Variants in ZNF479 observed in about 807,000 individuals in gnomAD.
The protein encoded by ZNF479 is zinc finger protein 479.
A neutral mutation model predicts 14.7 loss-of-function variants in ZNF479; 15 were observed. The ratio of observed to expected loss-of-function variants is 1.02; its 90% CI spans 0.68 to 1.57. ZNF479 has a LOEUF of 1.57. Ranked by LOEUF, ZNF479 falls within the 40% of genes most tolerant of loss-of-function variation. The pLI is 0.00. For synonymous variants in ZNF479, 145 were observed against 211.5 expected, an observed-to-expected ratio of 0.69 and a Z score of 2.73; for missense variants, 506 against 615.1, an observed-to-expected ratio of 0.82 and a Z score of 1.88.
chr7:57,135,845 C>A (rs1786621856), upstream of ZNF479, among the ~76,000 whole-genome samples: 1 of 151,954 alleles, frequency 6.6e-6, no homozygotes, highest in African/African-American at 2.4e-5. Flanking sequence ...GATGGGACTG[C>A]AAAAAAGATT....
Position 57,120,219 on chromosome 7 carries a change from T to C in ZNF479, c.1196A>G (p.His399Arg), listed in dbSNP as rs1554399924. The C allele has an allele frequency of 6.2e-7, 1 of 1,611,884 alleles. No individual in the cohort carries two copies. Among genetic ancestry groups the C allele is most frequent in the African/African-American group, 1.3e-5 (1 of 74,850 alleles). ...TCTCTCTCCAGTATGAATTCTCTTG[T>C]GGATAGTAAGTGCTGAGGAGCGCCT... ...DFRRSSALTIHKRIHTGERPY... is the reference protein window; with the variant it reads ...DFRRSSALTIRKRIHTGERPY... The change falls in exon 4 of 4, where the codon CAC (histidine) becomes CGC (arginine). Residue 399 changes from histidine (H) to arginine (R), a missense_variant. His to Arg is a conservative substitution (Grantham distance 29, BLOSUM62 0). Transcript: ENST00000319636.
At chr7:57,125,485 T>C (rs35178061) in intron 3 of ZNF479, among the ~76,000 whole-genome samples, 22,527 of 150,696 alleles carry the variant, frequency 0.15, 1,311 homozygotes, top group Admixed American at 0.19. Flanking sequence ...AGTGGGGGGA[T>C]AACCAAGCCT....
intron 1 of ZNF479, among the ~76,000 whole-genome samples, chr7:57,131,993 T>C (rs1390606565): frequency 6.6e-6 from 1 of 152,110 alleles, no homozygotes; most frequent in Non-Finnish European, 1.5e-5. Flanking sequence ...GACTTTCCTA[T>C]CCCTGTACAA....
At chr7:57,136,696 G>C (rs1436154056), upstream of ZNF479, among the ~76,000 whole-genome samples, 6 of 152,192 alleles carry the variant, frequency 3.9e-5, no homozygotes, top group African/African-American at 1.4e-4. Context: ...GCTGGGCTTT[G>C]CTGTCTCACA....
chr7:57,120,445 G>A lies in ZNF479; in HGVS notation c.970C>T (p.Pro324Ser), dbSNP rs1554400116. The change falls in exon 4 of 4, where the codon CCC (proline) becomes TCC (serine). Residue 324 changes from proline (P) to serine (S), a missense_variant. Coordinates refer to ENST00000319636, the MANE Select transcript of ZNF479 (RefSeq NM_001370129.2). ...TTGCCACATTCCTCACACCTGCAGG[G>A]TTTCTCTCCAGTATGAATTCTCTTG... Reference protein sequence around the residue: ...DHKRIHTGEKPCRCEECGKAF... With the variant: ...DHKRIHTGEKSCRCEECGKAF... 4 of 1,611,872 alleles carry A rather than the reference G, an allele frequency of 2.5e-6. No individual in the cohort carries two copies. In the South Asian group the frequency reaches 3.3e-5, roughly 13 times the overall value.
chr7:57,135,908 G>C (rs1321885136), upstream of ZNF479, among the ~76,000 whole-genome samples: 2 of 149,092 alleles, frequency 1.3e-5, no homozygotes, highest in Admixed American at 6.7e-5. Flanking sequence ...GCAATGCTTG[G>C]GTCTTTCTCT....
At position 57,120,531 on chromosome 7, in the gene ZNF479, C is replaced by G; in HGVS notation, c.884G>C (p.Arg295Thr). 1 of 1,609,200 alleles carries G rather than the reference C, an allele frequency of 6.2e-7. No homozygotes were observed. Among genetic ancestry groups the G allele is most frequent in the Non-Finnish European group, 8.5e-7 (1 of 1,178,878 alleles). Residue 295 changes from arginine (R) to threonine (T), a missense_variant, in exon 4 of 4, where the codon AGA becomes ACA. By Grantham distance (71) the Arg-to-Thr change is moderately conservative. Around this residue, in one of 3 missense-constraint regions of ZNF479, gnomAD observed 420 missense variants for 474.2 expected, o/e 0.89. Transcript: ENST00000319636. Reference protein sequence around the residue: ...TNHKRIHTGERPYKCEECGKA... With the variant: ...TNHKRIHTGETPYKCEECGKA... The stretch of plus-strand genomic sequence containing the variant: ...GCCACATTCTTCACATTTGTAGGGT[C>G]TCTCTCCAGTATGAATTCTCTTGTG...
chr7:57,136,902 G>A (rs144066366), upstream of ZNF479, among the ~76,000 whole-genome samples: 295 of 152,058 alleles, frequency 1.9e-3, 3 homozygotes, highest in African/African-American at 6.9e-3. Context: ...TACACTTGTC[G>A]TTACCTTCAT....
chr7:57,129,651 G>T (rs1786332565), intron 1 of ZNF479, among the ~76,000 whole-genome samples: 1 of 152,132 alleles, frequency 6.6e-6, no homozygotes, highest in African/African-American at 2.4e-5. Flanking sequence ...GTGCTCAGGA[G>T]CATGTCACAG....
At chr7:57,125,731 T>C (rs1252060077) in intron 3 of ZNF479, among the ~76,000 whole-genome samples, 2 of 152,112 alleles carry the variant, frequency 1.3e-5, no homozygotes, top group Non-Finnish European at 2.9e-5. Context: ...CCAAAAGCAA[T>C]GGCAAAGCAG....
chr7:57,125,039 T>C (rs1786096978), intron 3 of ZNF479, among the ~76,000 whole-genome samples: 1 of 152,064 alleles, frequency 6.6e-6, no homozygotes, highest in African/African-American at 2.4e-5. Context: ...CCATTGCCCT[T>C]GTTGCCTGGG....
intron 1 of ZNF479, among the ~76,000 whole-genome samples, chr7:57,128,350 G>C (rs1229083377): frequency 2.6e-5 from 4 of 152,136 alleles, no homozygotes; most frequent in Admixed American, 6.5e-5. Context: ...TAGCACCCTG[G>C]AAAGCAAGTA....
rs138154665 is a variant in ZNF479, at chr7:57,137,772, G to A, written c.-15+1836C>T. Among the ~76,000 whole-genome samples, 238 of 152,218 alleles carry A rather than the reference G, an allele frequency of 1.6e-3. 1 individual carries two copies. The East Asian group carries it at 0.023, about 15-fold the overall frequency. ...TAGATAATGTGACTTTCCTGCTTGG[G>A]CTCTGCCCTCCCAGGGTATTGTGAC... is the stretch of plus-strand genomic sequence containing the variant. On this transcript the variant is annotated intron_variant, in intron 1 of 4. Transcript: ENST00000331162.
upstream of ZNF479, among the ~76,000 whole-genome samples, chr7:57,135,514 C>A (rs751448967): frequency 4.6e-5 from 7 of 151,990 alleles, no homozygotes; most frequent in Non-Finnish European, 1.0e-4. Context: ...CCAGGTTCAA[C>A]CGATTCTCCT....
At chr7:57,133,573 A>G (rs902866069), upstream of ZNF479, among the ~76,000 whole-genome samples, 2 of 152,162 alleles carry the variant, frequency 1.3e-5, no homozygotes, top group African/African-American at 2.4e-5. Flanking sequence ...AAAAGTAAAA[A>G]GAAAAAGGTG....
chr7:57,121,247 G>C, intron 3 of ZNF479, 95 bp from the exon 4 acceptor site: 16 of 1,484,452 alleles, frequency 1.1e-5, no homozygotes, highest in Non-Finnish European at 1.4e-5. Context: ...AGGTACATTA[G>C]CAAAATGCCA....
intron 3 of ZNF479, 98 bp downstream of exon 3, chr7:57,125,920 T>C (rs1786146827): frequency 2.0e-6 from 3 of 1,505,944 alleles, no homozygotes; most frequent in South Asian, 1.2e-5. Flanking sequence ...ACTCTTTTCA[T>C]CAAAGCACAG....
rs1785857037 is a variant in ZNF479, at chr7:57,120,277, G to C, written c.1138C>G (p.Pro380Ala). Residue 380 changes from proline to alanine, a missense_variant, in exon 4 of 4, where the codon CCC becomes GCC. Coordinates refer to ENST00000319636, the MANE Select transcript of ZNF479 (RefSeq NM_001370129.2). The part of the protein sequence containing the change: ...RHRRIHTGEK[P>A]YTCEECGQDF... ...TGGCCACATTCTTCACATGTGTAGG[G>C]TTTCTCTCCAGTATGAATTCTCCTA... 6.2e-7 allele frequency: 1 copy of C among 1,607,424 alleles called. No homozygotes were observed. The highest frequency in any genetic ancestry group is 1.7e-5 in the Admixed American group (1 of 59,712).
intron 1 of ZNF479, among the ~76,000 whole-genome samples, chr7:57,128,729 T>C (rs1478062498): frequency 6.6e-6 from 1 of 152,154 alleles, no homozygotes; most frequent in Non-Finnish European, 1.5e-5. Context: ...TCACAAAAAA[T>C]AGTTGAAACA....
Sources: allele counts gnomAD v4.1 joint callset (sites outside exome capture counted in the v4.1 genomes callset), GRCh38; gene constraint gnomAD v4.1.1; regional missense constraint gnomAD v4.1.1; transcripts MANE v1.5; gene names NCBI Gene and HGNC (gene_info 2026-07-23, HGNC 2026-07-21).